The following TMEFF2 variants were observed in gnomAD, a reference collection of about 807,000 sequenced individuals.
The protein encoded by TMEFF2 is tomoregulin-2.
In TMEFF2, 28 loss-of-function variants were observed where a neutral mutation model predicts 53.8. That is an observed-to-expected ratio of 0.52 (90% CI 0.39 to 0.71). The LOEUF is 0.71. Among genes scored for constraint, TMEFF2 ranks in the 30% least tolerant of loss-of-function variants. TMEFF2 has a pLI of 0.00. For synonymous variants in TMEFF2, 162 were observed against 166.3 expected (o/e 0.97, Z 0.20); for missense variants, 353 against 455.2 (o/e 0.78, Z 2.04).
chr2:192,090,873 A>G (rs1200101668), intron 4 of TMEFF2, among the ~76,000 whole-genome samples: 3 of 152,158 alleles, frequency 2.0e-5, no homozygotes, highest in African/African-American at 7.2e-5. Flanking sequence ...AGGATAAGAA[A>G]GACTTCATTG....
chr2:191,979,032 A>AAAATTCATTT (rs1685797253), intron 7 of TMEFF2, among the ~76,000 whole-genome samples: 1 of 152,212 alleles, frequency 6.6e-6, no homozygotes, highest in Non-Finnish European at 1.5e-5. Context: ...TTCTGGAGGA[A>AAAATTCATTT]AAATTCATTT....
intron 5 of TMEFF2, among the ~76,000 whole-genome samples, chr2:192,007,001 C>T (rs943267435): frequency 3.9e-5 from 6 of 152,172 alleles, no homozygotes; most frequent in African/African-American, 1.2e-4. Flanking sequence ...TCTGGAGGGG[C>T]ATTCAGAAAT....
chr2:192,136,436 T>C (rs1374319333), intron 4 of TMEFF2, among the ~76,000 whole-genome samples: 1 of 152,214 alleles, frequency 6.6e-6, no homozygotes, highest in African/African-American at 2.4e-5. Flanking sequence ...ACTGTCCAAA[T>C]ACATGGTATC....
chr2:191,950,876 G>A (rs867814828), intron 9 of TMEFF2, among the ~76,000 whole-genome samples: 9 of 152,146 alleles, frequency 5.9e-5, no homozygotes, highest in African/African-American at 1.9e-4. Flanking sequence ...AAGGAATATT[G>A]TTTTGGACCA....
intron 4 of TMEFF2, among the ~76,000 whole-genome samples, chr2:192,168,720 A>G (rs1409721116): frequency 1.3e-5 from 2 of 152,110 alleles, no homozygotes; most frequent in Non-Finnish European, 2.9e-5. Context: ...TTAGTACACA[A>G]AACCATTCAT....
rs1442312557 is a variant in TMEFF2, at chr2:191,998,328, T to TA, written c.686-8dup. The TA allele has an allele frequency of 1.3e-6, 2 of 1,588,882 alleles. No individual in the cohort carries two copies. Among genetic ancestry groups the TA allele is most frequent in the Non-Finnish European group, 1.7e-6 (2 of 1,166,344 alleles). ...GTAGTTGTAGTTGTGTTATCTGTGT[T>TA]AAAAAATTAACAATAAAAATTGATT... On this transcript the variant is annotated splice_region_variant and splice_polypyrimidine_tract_variant and intron_variant, in intron 6 of 9. Coordinates refer to ENST00000272771, the MANE Select transcript of TMEFF2 (RefSeq NM_016192.4).
At chr2:191,986,946 T>C (rs1019670716) in intron 7 of TMEFF2, among the ~76,000 whole-genome samples, 18 of 152,054 alleles carry the variant, frequency 1.2e-4, no homozygotes, top group African/African-American at 4.1e-4. Context: ...TTGTCTCCTT[T>C]TGGGGAACGG....
intron 4 of TMEFF2, among the ~76,000 whole-genome samples, chr2:192,120,598 T>C (rs1248361597): frequency 6.6e-6 from 1 of 152,190 alleles, no homozygotes; most frequent in East Asian, 1.9e-4. Context: ...AGCTTGGAAA[T>C]TGATAACGCC....
intron 1 of TMEFF2, 92 bp from the exon 2 acceptor site, chr2:192,192,081 C>T (rs1339853871): frequency 9.2e-6 from 8 of 868,304 alleles, no homozygotes; most frequent in African/African-American, 5.1e-5. Context: ...AATACTTGTC[C>T]TAAATTTTAA....
intron 4 of TMEFF2, 113 bp downstream of exon 4, chr2:192,179,555 A>G: frequency 4.8e-6 from 6 of 1,240,692 alleles, no homozygotes; most frequent in Non-Finnish European, 5.5e-6. Flanking sequence ...CACCTTTCCT[A>G]AAATGCAAAA....
chr2:192,185,993 A>G lies in TMEFF2; in HGVS notation c.283-1510T>C, dbSNP rs181003769. Among the ~76,000 whole-genome samples the G allele has an allele frequency of 1.1e-4, 16 of 152,304 alleles. No homozygotes were observed. In the East Asian group the frequency reaches 3.1e-3, roughly 29 times the overall value. On this transcript the variant is annotated intron_variant, in intron 2 of 9. Transcript: ENST00000272771. ...ACCATAATTACTAACAGGATGCTTT[A>G]GCACATATTTTATAAATATTCTTTA...
At chr2:191,992,693 A>G (rs1450472066) in intron 7 of TMEFF2, 1 of 152,082 alleles carries the variant, frequency 6.6e-6, no homozygotes, top group African/African-American at 2.4e-5. Context: ...TTATTAATGC[A>G]GGATTACTCA....
chr2:191,992,724 G>C (rs1208436321), intron 7 of TMEFF2: 2 of 151,848 alleles, frequency 1.3e-5, no homozygotes, highest in Admixed American at 6.6e-5. Context: ...CTTTCCTCTT[G>C]CTTTCTCTTC....
chr2:192,049,068 C>A (rs1054262242), intron 5 of TMEFF2, among the ~76,000 whole-genome samples: 1 of 152,116 alleles, frequency 6.6e-6, no homozygotes, highest in Non-Finnish European at 1.5e-5. Flanking sequence ...TGAATTTCAT[C>A]CCAAACTGCC....
At chr2:191,978,747 G>A (rs1437600309) in intron 7 of TMEFF2, among the ~76,000 whole-genome samples, 2 of 152,198 alleles carry the variant, frequency 1.3e-5, no homozygotes, top group Non-Finnish European at 2.9e-5. Context: ...ATTGCAGTCA[G>A]CTCTTCCTGG....
At position 192,025,146 on chromosome 2, in the gene TMEFF2, A is replaced by G. The variant is rs549277887; in HGVS notation, c.537-25938T>C. On this transcript the variant is annotated intron_variant, in intron 5 of 9. Transcript: ENST00000272771. Reference sequence around the variant, plus strand: ...GGAATCCAGACTTCAAGCTATATCAAGCATTGTGTTGGTGATGGACAGAGT... The same window carrying G: ...GGAATCCAGACTTCAAGCTATATCAGGCATTGTGTTGGTGATGGACAGAGT... Among the ~76,000 whole-genome samples, 4 of 152,334 alleles carry G rather than the reference A, an allele frequency of 2.6e-5. No homozygotes were observed. In the East Asian group the frequency reaches 7.7e-4, roughly 29 times the overall value.
At chr2:192,036,626 C>T (rs965099525) in intron 5 of TMEFF2, 2 of 152,190 alleles carry the variant, frequency 1.3e-5, no homozygotes, top group African/African-American at 4.8e-5. Context: ...CTCATGAAGG[C>T]CTACTAGCAC....
At chr2:191,996,023 G>GA (rs34269941) in intron 7 of TMEFF2, among the ~76,000 whole-genome samples, 31,099 of 149,570 alleles carry the variant, frequency 0.21, 3,404 homozygotes, top group Middle Eastern at 0.27. Flanking sequence ...AGTAAGATAG[G>GA]AAAAAAAAAT....
chr2:191,995,169 G>C (rs1456536285), intron 7 of TMEFF2, among the ~76,000 whole-genome samples: 2 of 151,856 alleles, frequency 1.3e-5, no homozygotes, highest in African/African-American at 4.8e-5. Flanking sequence ...GCTGATCCTT[G>C]CTGGGATCTC....
Sources: allele counts gnomAD v4.1 joint callset (sites outside exome capture counted in the v4.1 genomes callset), GRCh38; gene constraint gnomAD v4.1.1; transcripts MANE v1.5; gene names NCBI Gene and HGNC (gene_info 2026-07-23, HGNC 2026-07-21).